Variants in PCBP3 observed in about 807,000 individuals in gnomAD.
PCBP3 encodes poly(rC) binding protein 3, also known as poly(rC)-binding protein 3.
A neutral mutation model predicts 52.7 loss-of-function variants in PCBP3; 25 were observed. The observed-to-expected ratio is 0.47, with a 90% CI of 0.35 to 0.66. PCBP3 has a LOEUF of 0.66. PCBP3 is among the 30% of genes least tolerant of loss of function. PCBP3 has a pLI of 0.01. For missense variants in PCBP3, 391 were observed against 490.3 expected (o/e 0.80, Z 1.91); for synonymous variants, 162 against 183.0 (o/e 0.89, Z 0.93).
chr21:45,709,084 A>G (rs1299572077), intron 2 of PCBP3, among the ~76,000 whole-genome samples: 1 of 152,214 alleles, frequency 6.6e-6, no homozygotes, highest in Admixed American at 6.5e-5. Context: ...TAAAACAGAA[A>G]CAACAGTCCA....
chr21:45,699,753 A>T (rs1603284454), intron 2 of PCBP3, among the ~76,000 whole-genome samples: 1 of 152,178 alleles, frequency 6.6e-6, no homozygotes, highest in Non-Finnish European at 1.5e-5. Context: ...AAACCATCAG[A>T]TCTTAAGAGA....
At chr21:45,887,287 C>T (rs778022083) in intron 5 of PCBP3, among the ~76,000 whole-genome samples, 1 of 152,244 alleles carries the variant, frequency 6.6e-6, no homozygotes, top group Non-Finnish European at 1.5e-5. Context: ...GATTGGGAAG[C>T]ACTGTGTGCT....
At chr21:45,676,346 C>G (rs2081459510) in intron 2 of PCBP3, among the ~76,000 whole-genome samples, 1 of 150,282 alleles carries the variant, frequency 6.7e-6, no homozygotes, top group African/African-American at 2.5e-5. Flanking sequence ...AGGCATCACT[C>G]ATTTTATTGC....
At chr21:45,732,310 A>G (rs2085513731) in intron 2 of PCBP3, among the ~76,000 whole-genome samples, 1 of 152,044 alleles carries the variant, frequency 6.6e-6, no homozygotes. Context: ...TATTGTGTAT[A>G]TCTAAGGTAC....
At position 45,668,884 on chromosome 21, in the gene PCBP3, A is replaced by G. The variant is rs1455386498; in HGVS notation, c.-268A>G. The G allele has an allele frequency of 2.0e-5, 3 of 152,066 alleles. No individual in the cohort carries two copies. The highest frequency in any genetic ancestry group is 4.4e-5 in the Non-Finnish European group (3 of 68,004). 9.4% of individuals were successfully genotyped at this position (152,066 alleles called of 1,614,324 possible). ...ATTATTTTTTTTCAGCACATTGGAG[A>G]TATATTTCCACAGCATCTGGCTTTT... On this transcript the variant is annotated 5_prime_UTR_variant, in exon 2 of 18. Transcript: ENST00000681687.
intron 13 of PCBP3, among the ~76,000 whole-genome samples, chr21:45,924,784 A>G (rs1163257994): frequency 1.9e-5 from 1 of 52,034 alleles, no homozygotes; most frequent in Non-Finnish European, 3.6e-5. Flanking sequence ...GTGGGTAGAA[A>G]CAGCACACGT....
In PCBP3 at chr21:45,853,152, T is replaced by C. The variant is rs2094118053; in HGVS notation, c.10+3057T>C. 6.6e-6 allele frequency among the ~76,000 whole-genome samples: 1 copy of C among 152,180 alleles called. No individual in the cohort carries two copies. Among genetic ancestry groups the C allele is most frequent in the South Asian group, 2.1e-4 (1 of 4,830 alleles). On this transcript the variant is annotated intron_variant, in intron 5 of 17. Transcript: ENST00000681687. This position sits in a 1 kb window ranked among gnomAD's most constrained non-coding sequence, Gnocchi z 4.6. ...CTCTGGAGCCTGCTGTGACCTGGCA[T>C]GCTGTCCTGCATCTCTGTGGTGACA...
chr21:45,843,868 G>C (rs555827108), intron 4 of PCBP3, among the ~76,000 whole-genome samples: 1 of 152,262 alleles, frequency 6.6e-6, no homozygotes, highest in African/African-American at 2.4e-5. Context: ...TATACACACA[G>C]ACACACATAC....
chr21:45,750,407 C>A (rs76691318), intron 3 of PCBP3: 27,282 of 131,922 alleles, frequency 0.21, 4,225 homozygotes, highest in Middle Eastern at 0.37. Flanking sequence ...CCCCCCCCCC[C>A]CCCCTTCTTC....
intron 2 of PCBP3, among the ~76,000 whole-genome samples, chr21:45,676,233 A>T (rs74666998): frequency 2.3e-3 from 355 of 152,306 alleles, no homozygotes; most frequent in African/African-American, 7.7e-3. Context: ...AAAGGAATTA[A>T]CTGCCTGTGT....
chr21:45,721,424 A>G (rs1458326295), intron 2 of PCBP3, among the ~76,000 whole-genome samples: 1 of 151,950 alleles, frequency 6.6e-6, no homozygotes, highest in South Asian at 2.1e-4. Flanking sequence ...AAAAAAAAAA[A>G]AAAAAAACAA....
At chr21:45,807,723 C>A (rs774069178) in intron 4 of PCBP3, among the ~76,000 whole-genome samples, 3 of 151,368 alleles carry the variant, frequency 2.0e-5, no homozygotes, top group Non-Finnish European at 4.4e-5. Flanking sequence ...GCCTGTATAG[C>A]TAAGACAATT....
intron 17 of PCBP3, 137 bp downstream of exon 17, chr21:45,940,336 C>G: frequency 2.8e-6 from 2 of 724,930 alleles, no homozygotes; most frequent in Non-Finnish European, 4.4e-6. Flanking sequence ...CCCCTCTGCT[C>G]CAGGCTGGAT....
chr21:45,816,756 A>G (rs1249058639), intron 4 of PCBP3, among the ~76,000 whole-genome samples: 2 of 149,676 alleles, frequency 1.3e-5, no homozygotes, highest in Non-Finnish European at 3.0e-5. Context: ...TTTTTTTTTA[A>G]TAAATAGAAG....
intron 13 of PCBP3, chr21:45,919,629 T>C (rs750794887): frequency 4.6e-5 from 7 of 152,316 alleles, no homozygotes; most frequent in African/African-American, 9.6e-5. Flanking sequence ...CCGTTTTTAG[T>C]GGTTCCTGGC....
At chr21:45,770,104 G>A (rs1328111097) in intron 4 of PCBP3, among the ~76,000 whole-genome samples, 1 of 152,220 alleles carries the variant, frequency 6.6e-6, no homozygotes, top group Non-Finnish European at 1.5e-5. Context: ...GTGCATAATC[G>A]ACGGCGACCC....
At chr21:45,922,182 G>A (rs962736861) in intron 13 of PCBP3, among the ~76,000 whole-genome samples, 12 of 152,296 alleles carry the variant, frequency 7.9e-5, no homozygotes, top group Admixed American at 5.9e-4. Flanking sequence ...CACCCAGCAC[G>A]TCTGCACCTT....
In PCBP3 at chr21:45,821,537, T is replaced by G. The variant is rs2093138569; in HGVS notation, c.-125-28424T>G. 6.6e-6 allele frequency among the ~76,000 whole-genome samples: 1 copy of G among 151,496 alleles called. No homozygotes were observed. ...CCCTAACTCATTTCTAGAATACTCT[T>G]CCCTGCCTGCACCCTGCTGTGGGCC... On this transcript the variant is annotated intron_variant, in intron 4 of 17. Transcript: ENST00000681687. The surrounding 1 kb of genome is among the most constrained non-coding windows in gnomAD (Gnocchi z 4.4).
At chr21:45,743,482 G>C (rs2086599511) in intron 3 of PCBP3, among the ~76,000 whole-genome samples, 1 of 152,190 alleles carries the variant, frequency 6.6e-6, no homozygotes, top group Admixed American at 6.5e-5. Flanking sequence ...GTGGTTGTAT[G>C]ATTCCTGCTT....
Sources: allele counts gnomAD v4.1 joint callset (sites outside exome capture counted in the v4.1 genomes callset), GRCh38; gene constraint gnomAD v4.1.1; non-coding constraint Gnocchi (gnomAD v3.1); transcripts MANE v1.5; gene names NCBI Gene and HGNC (gene_info 2026-07-23, HGNC 2026-07-21).